The following RPS6KA2 variants were observed in gnomAD, a reference collection of about 807,000 sequenced individuals.
RPS6KA2 encodes the protein ribosomal protein S6 kinase alpha-2.
A neutral mutation model predicts 91.8 loss-of-function variants in RPS6KA2; 42 were observed. That is an observed-to-expected ratio of 0.46 (90% CI 0.36 to 0.59). The LOEUF is 0.59. RPS6KA2 is among the 20% of genes least tolerant of loss of function. RPS6KA2 has a pLI of 0.00. For missense variants in RPS6KA2, 798 were observed against 978.5 expected (o/e 0.82, Z 2.46); for synonymous variants, 414 against 393.6 (o/e 1.05, Z -0.61).
At chr6:166,601,717 A>G (rs1785735905) in intron 1 of RPS6KA2, among the ~76,000 whole-genome samples, 1 of 152,236 alleles carries the variant, frequency 6.6e-6, no homozygotes, top group South Asian at 2.1e-4. Context: ...AGAAAACAAA[A>G]CTAGTTCCAT....
intron 3 of RPS6KA2, among the ~76,000 whole-genome samples, chr6:166,516,725 C>T (rs886207290): frequency 3.3e-5 from 5 of 152,204 alleles, no homozygotes; most frequent in East Asian, 1.9e-4. Flanking sequence ...GGCCCAGGCT[C>T]GGCAGGGCCC....
intron 3 of RPS6KA2, among the ~76,000 whole-genome samples, chr6:166,527,382 T>C (rs143438254): frequency 4.7e-4 from 71 of 152,290 alleles, no homozygotes; most frequent in Non-Finnish European, 6.9e-4. Context: ...AGTAGGACAG[T>C]GTGTGGCCAA....
At chr6:166,653,502 G>C (rs78849030) in intron 2 of RPS6KA2, among the ~76,000 whole-genome samples, 1 of 152,210 alleles carries the variant, frequency 6.6e-6, no homozygotes, top group South Asian at 2.1e-4. Context: ...ATTTAGACAG[G>C]CTACTAAGTG....
intron 7 of RPS6KA2, among the ~76,000 whole-genome samples, chr6:166,498,874 C>T (rs1330666296): frequency 1.3e-5 from 2 of 152,186 alleles, no homozygotes; most frequent in African/African-American, 2.4e-5. Context: ...GTGAGGAGTT[C>T]CTTATGAGTG....
At chr6:166,595,518 G>A (rs1785507867) in intron 1 of RPS6KA2, among the ~76,000 whole-genome samples, 1 of 152,238 alleles carries the variant, frequency 6.6e-6, no homozygotes, top group Non-Finnish European at 1.5e-5. Flanking sequence ...CCCCAGATAT[G>A]CTTGTGATTG....
chr6:166,660,844 T>A (rs1033503972), intron 2 of RPS6KA2, among the ~76,000 whole-genome samples: 20 of 152,142 alleles, frequency 1.3e-4, no homozygotes, highest in Admixed American at 2.6e-4. Context: ...GATTTTTTTT[T>A]AAATAAAAAA....
intron 2 of RPS6KA2, among the ~76,000 whole-genome samples, chr6:166,682,669 C>T (rs906235170): frequency 2.6e-5 from 4 of 152,172 alleles, no homozygotes; most frequent in East Asian, 1.9e-4. Context: ...CTAGCAACAA[C>T]GACACAAAGA....
chr6:166,502,600 A>G (rs1363753840), intron 6 of RPS6KA2, among the ~76,000 whole-genome samples: 1 of 152,220 alleles, frequency 6.6e-6, no homozygotes, highest in Admixed American at 6.5e-5. Context: ...GAGGAGTGGC[A>G]ACGTCCACAC....
chr6:166,483,943 G>A (rs553491681), intron 10 of RPS6KA2, among the ~76,000 whole-genome samples: 5 of 152,270 alleles, frequency 3.3e-5, no homozygotes, highest in Admixed American at 6.5e-5. Flanking sequence ...GACTGTGCAA[G>A]TCACTAGCAG....
intron 2 of RPS6KA2, among the ~76,000 whole-genome samples, chr6:166,735,526 C>T (rs1790651188): frequency 6.6e-6 from 1 of 152,160 alleles, no homozygotes; most frequent in African/African-American, 2.4e-5. Context: ...ATAGAACTCA[C>T]CATCATGTAG....
rs73269214 is a variant in RPS6KA2, at chr6:166,421,814, C to G, written c.1743+1442G>C. ...AACTTATGAGGGATGAGGAAAACGT[C>G]ATTTTCCTCCCCCATAATATTATCA... On this transcript the variant is annotated intron_variant, in intron 17 of 20. Coordinates refer to ENST00000265678, the MANE Select transcript of RPS6KA2 (RefSeq NM_021135.6). Among the ~76,000 whole-genome samples, 1,374 of 152,272 alleles carry G rather than the reference C, an allele frequency of 9.0e-3. 16 individuals carry two copies. Among genetic ancestry groups the G allele is most frequent in the African/African-American group, 0.029 (1,217 of 41,536 alleles).
rs767229505 is a variant in RPS6KA2, at chr6:166,648,802, G to A, written c.124-110018C>T. Among the ~76,000 whole-genome samples, 1 of 152,068 alleles carries A rather than the reference G, an allele frequency of 6.6e-6. No homozygotes were observed. Among genetic ancestry groups the A allele is most frequent in the Non-Finnish European group, 1.5e-5 (1 of 68,024 alleles). ...TGGCACCGACCATCTGTGACTGTCC[G>A]ACTCAAAACATCGGTGCCTGGCACA... is the stretch of plus-strand genomic sequence containing the variant. On this transcript the variant is annotated intron_variant, in intron 2 of 21. Transcript: ENST00000503859. The surrounding 1 kb of genome is among the most constrained non-coding windows in gnomAD (Gnocchi z 4.8).
At chr6:166,621,039 C>T (rs188068812) in intron 1 of RPS6KA2, among the ~76,000 whole-genome samples, 67 of 152,348 alleles carry the variant, frequency 4.4e-4, no homozygotes, top group Admixed American at 4.0e-3. Flanking sequence ...ACCACCCAGC[C>T]TGGGGAGCTT....
At chr6:166,516,464 G>C (rs1562550016) in intron 3 of RPS6KA2, among the ~76,000 whole-genome samples, 1 of 152,160 alleles carries the variant, frequency 6.6e-6, no homozygotes, top group Non-Finnish European at 1.5e-5. Context: ...AGTGGGAGGG[G>C]TGGGGACACT....
Position 166,603,360 on chromosome 6 carries a change from G to A in RPS6KA2, c.99+23561C>T, listed in dbSNP as rs144371709. On this transcript the variant is annotated intron_variant, in intron 1 of 20. Coordinates refer to ENST00000265678, the MANE Select transcript of RPS6KA2 (RefSeq NM_021135.6). The surrounding 1 kb of genome is among the most constrained non-coding windows in gnomAD (Gnocchi z 4.3). ...AGCATAATTAAACCAGGAACTCAGC[G>A]CAGCCTCAGAGTGCGTGGGGTGGGG... 9.2e-3 allele frequency among the ~76,000 whole-genome samples: 1,402 copies of A among 152,276 alleles called. 16 individuals carry two copies. The highest frequency in any genetic ancestry group is 0.029 in the African/African-American group (1,209 of 41,548).
At chr6:166,755,384 C>T (rs557006504) in intron 2 of RPS6KA2, among the ~76,000 whole-genome samples, 72 of 152,232 alleles carry the variant, frequency 4.7e-4, no homozygotes, top group Middle Eastern at 3.4e-3. Flanking sequence ...CTCCTTTATA[C>T]GGTGAACTCT....
intron 2 of RPS6KA2, among the ~76,000 whole-genome samples, chr6:166,740,987 G>A (rs1043973348): frequency 1.3e-5 from 2 of 152,216 alleles, no homozygotes; most frequent in East Asian, 1.9e-4. Context: ...GTCACGACAC[G>A]GCTCCATGCC....
intron 2 of RPS6KA2, among the ~76,000 whole-genome samples, chr6:166,775,546 A>G (rs1430331558): frequency 6.6e-6 from 1 of 152,236 alleles, no homozygotes; most frequent in Non-Finnish European, 1.5e-5. Flanking sequence ...TCCACGTTGT[A>G]GGAAGGCTGA....
intron 12 of RPS6KA2, among the ~76,000 whole-genome samples, chr6:166,458,033 T>C (rs1403274572): frequency 1.2e-4 from 19 of 152,236 alleles, no homozygotes; most frequent in Admixed American, 5.9e-4. Flanking sequence ...GATGGTTTTG[T>C]ACATAACCAG....
Sources: gnomAD v4.1 joint callset for allele counts (sites outside exome capture counted in the v4.1 genomes callset) on GRCh38, gnomAD v4.1.1 for gene constraint, Gnocchi (gnomAD v3.1) non-coding constraint, MANE v1.5 for transcripts, NCBI Gene and HGNC (gene_info 2026-07-23, HGNC 2026-07-21) for gene names.